The following SLC24A3 variants were observed in gnomAD, a reference collection of about 807,000 sequenced individuals.
SLC24A3 encodes sodium/potassium/calcium exchanger 3.
A neutral mutation model predicts 75.8 loss-of-function variants in SLC24A3; 28 were observed. The ratio of observed to expected loss-of-function variants is 0.37; its 90% CI spans 0.27 to 0.51. SLC24A3 has a LOEUF of 0.51. SLC24A3 is among the 20% of genes least tolerant of loss of function. The pLI, the probability that SLC24A3 is intolerant of heterozygous loss-of-function variation, is 0.94. For missense variants in SLC24A3, 663 were observed against 847.8 expected (o/e 0.78, Z 2.71); for synonymous variants, 372 against 334.1 (o/e 1.11, Z -1.24).
At chr20:19,476,124 G>A (rs1242365349) in intron 2 of SLC24A3, among the ~76,000 whole-genome samples, 9 of 152,172 alleles carry the variant, frequency 5.9e-5, no homozygotes, top group Admixed American at 2.6e-4. Context: ...CTCCCAGGCC[G>A]GAGAGCTAGA....
chr20:19,288,287 A>G (rs1983860735), intron 2 of SLC24A3, among the ~76,000 whole-genome samples: 1 of 152,212 alleles, frequency 6.6e-6, no homozygotes, highest in African/African-American at 2.4e-5. Flanking sequence ...TGAAATAGGG[A>G]GCAGAGGATT....
chr20:19,451,191 AAC>A (rs1321968979), intron 2 of SLC24A3, among the ~76,000 whole-genome samples: 1 of 152,228 alleles, frequency 6.6e-6, no homozygotes, highest in Non-Finnish European at 1.5e-5. Context: ...GGTAAAAGAA[AAC>A]ACATATTTTA....
chr20:19,352,904 C>A (rs1985602885), intron 2 of SLC24A3, among the ~76,000 whole-genome samples: 1 of 152,158 alleles, frequency 6.6e-6, no homozygotes, highest in Admixed American at 6.5e-5. Context: ...TATAATGGAG[C>A]TGAGAAAACC....
At chr20:19,477,526 G>A (rs1196326197) in intron 2 of SLC24A3, among the ~76,000 whole-genome samples, 2 of 152,210 alleles carry the variant, frequency 1.3e-5, no homozygotes, top group Non-Finnish European at 2.9e-5. Context: ...CTCTTCCACA[G>A]TGTAAGTGTG....
chr20:19,644,157 T>G (rs1223317868), intron 6 of SLC24A3, among the ~76,000 whole-genome samples: 1 of 151,982 alleles, frequency 6.6e-6, no homozygotes, highest in Non-Finnish European at 1.5e-5. Flanking sequence ...ACGCACAGAG[T>G]CACTAGGTGT....
intron 4 of SLC24A3, among the ~76,000 whole-genome samples, chr20:19,580,454 T>G (rs2031203220): frequency 1.3e-5 from 2 of 152,122 alleles, no homozygotes; most frequent in African/African-American, 4.8e-5. Context: ...AACTCTCCTT[T>G]GATATCCATG....
intron 6 of SLC24A3, among the ~76,000 whole-genome samples, chr20:19,598,131 T>A (rs2031475283): frequency 6.6e-6 from 1 of 152,198 alleles, no homozygotes; most frequent in Non-Finnish European, 1.5e-5. Flanking sequence ...GGGATTTTTT[T>A]AATATGACAG....
At chr20:19,256,722 T>G (rs984382567) in intron 1 of SLC24A3, among the ~76,000 whole-genome samples, 1 of 140,150 alleles carries the variant, frequency 7.1e-6, no homozygotes, top group Admixed American at 7.7e-5. Context: ...TGAGCTGAGA[T>G]CATGCCACTG....
chr20:19,647,665 CTT>C (rs1339931670), intron 6 of SLC24A3, among the ~76,000 whole-genome samples: 1 of 152,232 alleles, frequency 6.6e-6, no homozygotes, highest in Non-Finnish European at 1.5e-5. Flanking sequence ...ATAACTTACA[CTT>C]AACATGAAAA....
chr20:19,317,073 AT>A (rs1984604384), intron 2 of SLC24A3, among the ~76,000 whole-genome samples: 1 of 152,148 alleles, frequency 6.6e-6, no homozygotes, highest in Admixed American at 6.5e-5. Context: ...TGGGGAAAGG[AT>A]TCCCTATTTA....
intron 1 of SLC24A3, among the ~76,000 whole-genome samples, chr20:19,222,095 C>G (rs1475755301): frequency 1.3e-5 from 2 of 152,068 alleles, no homozygotes; most frequent in African/African-American, 4.8e-5. Context: ...AACTCTTATA[C>G]TGAGTGTTTA....
intron 1 of SLC24A3, among the ~76,000 whole-genome samples, chr20:19,249,296 T>C (rs972173184): frequency 3.9e-5 from 6 of 152,226 alleles, no homozygotes; most frequent in African/African-American, 1.4e-4. Flanking sequence ...CTGGCAAGCT[T>C]CCGTACTCCT....
chr20:19,485,039 A>C (rs887313227), intron 2 of SLC24A3, among the ~76,000 whole-genome samples: 1 of 152,200 alleles, frequency 6.6e-6, no homozygotes, highest in Non-Finnish European at 1.5e-5. Context: ...TGGCAATAGC[A>C]TGGGACTCAG....
chr20:19,439,603 A>G (rs1057330309), intron 2 of SLC24A3, among the ~76,000 whole-genome samples: 20 of 152,210 alleles, frequency 1.3e-4, no homozygotes, highest in African/African-American at 3.9e-4. Flanking sequence ...TAATAGCCTG[A>G]TTCACCAAAA....
intron 3 of SLC24A3, among the ~76,000 whole-genome samples, chr20:19,572,462 C>T (rs909671423): frequency 6.6e-6 from 1 of 151,912 alleles, no homozygotes. Flanking sequence ...CTAGAGTTAG[C>T]CCACTCAGGG....
At chr20:19,567,543 A>G (rs1210587053) in intron 3 of SLC24A3, among the ~76,000 whole-genome samples, 1 of 152,188 alleles carries the variant, frequency 6.6e-6, no homozygotes, top group Admixed American at 6.5e-5. Flanking sequence ...TTGAAAAACT[A>G]CCTATCAGGT....
chr20:19,606,898 T>C (rs1311323793), intron 6 of SLC24A3, among the ~76,000 whole-genome samples: 1 of 152,184 alleles, frequency 6.6e-6, no homozygotes, highest in Non-Finnish European at 1.5e-5. Context: ...CCAGTGTATA[T>C]GTGGACAGTG....
At chr20:19,307,221 G>A in intron 2 of SLC24A3, among the ~76,000 whole-genome samples, 1 of 152,210 alleles carries the variant, frequency 6.6e-6, no homozygotes, top group African/African-American at 2.4e-5. Context: ...AAGAGTAAAT[G>A]AGATAATATT....
chr20:19,515,920 A>G (rs2029978816), intron 3 of SLC24A3, among the ~76,000 whole-genome samples: 1 of 151,946 alleles, frequency 6.6e-6, no homozygotes, highest in Non-Finnish European at 1.5e-5. Context: ...ATTTCCTCTT[A>G]CCCTGCTTTG....
Sources: allele counts gnomAD v4.1 joint callset (sites outside exome capture counted in the v4.1 genomes callset), GRCh38; gene constraint gnomAD v4.1.1; transcripts MANE v1.5; gene names NCBI Gene and HGNC (gene_info 2026-07-23, HGNC 2026-07-21).